Variants in CLIC5 observed in about 807,000 individuals in gnomAD.
CLIC5 encodes chloride intracellular channel protein 5.
Under a neutral mutation model 24.7 loss-of-function variants are expected in CLIC5, and 20 were observed. That is an observed-to-expected ratio of 0.81 (90% CI 0.57 to 1.18). The LOEUF is 1.18. CLIC5 is among the 50% of genes most tolerant of loss of function. The pLI is 0.00. For synonymous variants in CLIC5, 159 were observed against 135.6 expected (o/e 1.17, Z -1.20); for missense variants, 341 against 326.1 (o/e 1.05, Z -0.35).
At chr6:45,952,222 G>A (rs1425338067) in intron 2 of CLIC5, among the ~76,000 whole-genome samples, 1 of 152,140 alleles carries the variant, frequency 6.6e-6, no homozygotes. Context: ...GGCCACCGAC[G>A]CTTAGCTAGA....
intron 2 of CLIC5, among the ~76,000 whole-genome samples, chr6:45,954,554 CAG>C (rs1444394698): frequency 2.6e-5 from 4 of 152,154 alleles, no homozygotes; most frequent in African/African-American, 9.7e-5. Flanking sequence ...ATTTAAACAA[CAG>C]GTAGAAGACA....
At chr6:46,125,003 G>A in the CLIC5 span, among the ~76,000 whole-genome samples, 1 of 152,224 alleles carries the variant, frequency 6.6e-6, no homozygotes, top group African/African-American at 2.4e-5. Flanking sequence ...TTCAACCATT[G>A]TGGAAGACAG....
chr6:46,099,854 A>T, the CLIC5 span, among the ~76,000 whole-genome samples: 2 of 152,170 alleles, frequency 1.3e-5, no homozygotes, highest in African/African-American at 4.8e-5. Context: ...CCTTGTTAAC[A>T]TGACTGGCAG....
chr6:45,925,558 G>A (rs950963940), intron 4 of CLIC5, among the ~76,000 whole-genome samples: 10 of 152,112 alleles, frequency 6.6e-5, no homozygotes, highest in Non-Finnish European at 1.2e-4. Flanking sequence ...CTCGTGATCC[G>A]CCTGCCCTGG....
intron 1 of CLIC5, among the ~76,000 whole-genome samples, chr6:46,046,496 T>G (rs1399550401): frequency 1.3e-5 from 2 of 152,234 alleles, no homozygotes; most frequent in African/African-American, 4.8e-5. Context: ...CACCTGGTAC[T>G]GCCTTTTCTG....
At chr6:45,947,793 C>A (rs1330448725) in intron 3 of CLIC5, among the ~76,000 whole-genome samples, 1 of 152,006 alleles carries the variant, frequency 6.6e-6, no homozygotes, top group African/African-American at 2.4e-5. Flanking sequence ...TGGCTGGTGT[C>A]CTCTTCAGAG....
chr6:46,029,284 A>C (rs1233847943), intron 1 of CLIC5, among the ~76,000 whole-genome samples: 1 of 152,204 alleles, frequency 6.6e-6, no homozygotes, highest in East Asian at 1.9e-4. Context: ...AGGCTTTCTA[A>C]GTTCAGGCTC....
At chr6:45,941,491 C>A (rs544471523) in intron 4 of CLIC5, 56 bp downstream of exon 4, 2 of 1,330,410 alleles carry the variant, frequency 1.5e-6, no homozygotes, top group South Asian at 1.2e-5. Context: ...ATTGAAGATG[C>A]CTTGGGCAGC....
intron 1 of CLIC5, among the ~76,000 whole-genome samples, chr6:46,021,117 A>T (rs1358836118): frequency 4.6e-5 from 7 of 151,186 alleles, no homozygotes; most frequent in Admixed American, 2.6e-4. Context: ...AAACCCAGCT[A>T]AAAAAATAGG....
chr6:46,079,644 T>C, intron 1 of CLIC5: 1 of 1,414,322 alleles, frequency 7.1e-7, no homozygotes, highest in South Asian at 1.4e-5. Context: ...CAGAGCAAAA[T>C]AAAACACCAG....
chr6:45,950,697 G>A (rs980676043), intron 2 of CLIC5, among the ~76,000 whole-genome samples: 1 of 152,066 alleles, frequency 6.6e-6, no homozygotes, highest in Non-Finnish European at 1.5e-5. Context: ...GAAGGCTTTC[G>A]GCTTTCAGTT....
intron 1 of CLIC5, among the ~76,000 whole-genome samples, chr6:46,062,637 GC>G (rs933119591): frequency 1.3e-5 from 2 of 152,202 alleles, no homozygotes; most frequent in African/African-American, 4.8e-5. Flanking sequence ...TTGGTTCCAT[GC>G]CTGAAACACA....
chr6:46,060,171 T>A (rs966152669), intron 1 of CLIC5, among the ~76,000 whole-genome samples: 8 of 152,166 alleles, frequency 5.3e-5, no homozygotes, highest in African/African-American at 1.7e-4. Context: ...TCTCTTTGAG[T>A]CTCAAATATG....
At chr6:46,039,285 C>T (rs1767742811) in intron 1 of CLIC5, among the ~76,000 whole-genome samples, 1 of 151,828 alleles carries the variant, frequency 6.6e-6, no homozygotes, top group Non-Finnish European at 1.5e-5. Context: ...AAATATGTGA[C>T]AATTACCAAA....
Position 46,080,264 on chromosome 6 carries a change from G to A in CLIC5, c.-22C>T, listed in dbSNP as rs1009916106. 1.6e-5 allele frequency: 24 copies of A among 1,537,628 alleles called. 1 individual carries two copies. The highest frequency in any genetic ancestry group is 9.8e-5 in the South Asian group (8 of 81,576). On this transcript the variant is annotated 5_prime_UTR_variant, in exon 1 of 6. Coordinates refer to the CLIC5 transcript ENST00000185206. ...TCATGCTTATTGATCCGAGAGATCTGTTTACAGGGAGACCTGAGTAGATCT... is the reference window on the plus strand; with the variant it reads ...TCATGCTTATTGATCCGAGAGATCTATTTACAGGGAGACCTGAGTAGATCT...
At chr6:46,099,214 C>A in the CLIC5 span, among the ~76,000 whole-genome samples, 1 of 152,142 alleles carries the variant, frequency 6.6e-6, no homozygotes, top group South Asian at 2.1e-4. Context: ...AGGGGTTGAG[C>A]CTAAATGTCA....
At chr6:46,049,950 T>C (rs1177460264) in intron 1 of CLIC5, among the ~76,000 whole-genome samples, 2 of 152,246 alleles carry the variant, frequency 1.3e-5, no homozygotes, top group African/African-American at 4.8e-5. Flanking sequence ...AATTAGGGAC[T>C]GTTTCTCAAG....
intron 4 of CLIC5, among the ~76,000 whole-genome samples, chr6:45,931,491 T>C (rs1763733757): frequency 1.3e-5 from 2 of 152,190 alleles, no homozygotes; most frequent in Admixed American, 6.5e-5. Flanking sequence ...AGGTTAGATC[T>C]GGAAAGGACT....
chr6:46,069,290 G>C (rs1263805417), intron 1 of CLIC5, among the ~76,000 whole-genome samples: 2 of 152,012 alleles, frequency 1.3e-5, no homozygotes, highest in African/African-American at 4.8e-5. Flanking sequence ...CTAAAATCAG[G>C]GGAATGGCAT....
Sources: allele counts gnomAD v4.1 joint callset (sites outside exome capture counted in the v4.1 genomes callset), GRCh38; gene constraint gnomAD v4.1.1; transcripts MANE v1.5; gene names NCBI Gene and HGNC (gene_info 2026-07-23, HGNC 2026-07-21).